Variants in GAS2L2 observed in about 807,000 individuals in gnomAD.
GAS2L2 encodes GAS2-like protein 2.
A neutral mutation model predicts 35.2 loss-of-function variants in GAS2L2; 21 were observed. The ratio of observed to expected loss-of-function variants is 0.60; its 90% CI spans 0.42 to 0.86. The LOEUF is 0.86. Among genes scored for constraint, GAS2L2 ranks in the 40% least tolerant of loss-of-function variants. The pLI is 0.00. For missense variants in GAS2L2, 1,169 were observed against 1,144.4 expected, an observed-to-expected ratio of 1.02 and a Z score of -0.31; for synonymous variants, 490 against 473.2, an observed-to-expected ratio of 1.04 and a Z score of -0.46.
At position 35,750,210 on chromosome 17, in the gene GAS2L2, G is replaced by A; in HGVS notation, c.494C>T (p.Ala165Val). Reference sequence around the variant, plus strand: ...CTCCTCCAGCTGCACGAGTGTGGGCGCCGCAACACCAAAGCGCCACGCCCG... The same window carrying A: ...CTCCTCCAGCTGCACGAGTGTGGGCACCGCAACACCAAAGCGCCACGCCCG... ...GRRAWRFGVAAPTLVQLEEEI... is the reference protein window; with the variant it reads ...GRRAWRFGVAVPTLVQLEEEI... The change falls in exon 2 of 6, where the codon GCG (alanine) becomes GTG (valine). Residue 165 changes from alanine to valine, a missense_variant. Around this residue, in one of 3 missense-constraint regions of GAS2L2, gnomAD observed 1,035 missense variants for 976.5 expected, o/e 1.06. Transcript: ENST00000604641. 6.2e-7 allele frequency: 1 copy of A among 1,613,524 alleles called. No individual in the cohort carries two copies. The highest frequency in any genetic ancestry group is 1.1e-5 in the South Asian group (1 of 91,048).
intron 5 of GAS2L2, 54 bp downstream of exon 5, chr17:35,746,962 T>G: frequency 4.2e-5 from 63 of 1,487,824 alleles, no homozygotes; most frequent in Non-Finnish European, 5.4e-5. Flanking sequence ...TGGTGACCTC[T>G]GAGAATGTGC....
In GAS2L2 at chr17:35,750,272, C is replaced by T. The variant is rs138124177; in HGVS notation, c.432G>A (p.Val144=). The T allele has an allele frequency of 5.6e-6, 9 of 1,613,984 alleles. No homozygotes were observed. The highest frequency in any genetic ancestry group is 7.6e-6 in the Non-Finnish European group (9 of 1,179,970). ...CCAGCAAACACAGCACCACGTTCTT[C>T]ACGTTCTTGCGCAGCACCAAGTCCT... ...ETEDLVLRKN[V]KNVVLCLLEL... The change falls in exon 2 of 6, where the codon GTG becomes GTA. Residue 144 remains valine, a synonymous_variant. Coordinates refer to ENST00000604641, the MANE Select transcript of GAS2L2 (RefSeq NM_139285.4).
chr17:35,751,629 C>G (rs1039256134), intron 1 of GAS2L2, among the ~76,000 whole-genome samples: 1 of 151,050 alleles, frequency 6.6e-6, no homozygotes, highest in Admixed American at 6.6e-5. Flanking sequence ...GATCGAACCA[C>G]TGTACTCCAG....
At chr17:35,750,558 C>T (rs587638929) in intron 1 of GAS2L2, among the ~76,000 whole-genome samples, 1 of 152,250 alleles carries the variant, frequency 6.6e-6, no homozygotes, top group East Asian at 1.9e-4. Context: ...GGAGAGGCTG[C>T]GGGTGAGAAG....
Position 35,746,301 on chromosome 17 carries a change from G to A in GAS2L2, c.1196C>T (p.Ser399Leu), listed in dbSNP as rs139141646. The A allele has an allele frequency of 6.0e-5, 86 of 1,424,988 alleles. No homozygotes were observed. In the Middle Eastern group the frequency reaches 1.1e-3, roughly 19 times the overall value. 88.3% of individuals were successfully genotyped at this position (1,424,988 alleles called of 1,614,324 possible). A position where few individuals can be genotyped will look rare whatever the true frequency, so the allele number is the denominator to read the frequency against. The part of the protein sequence containing the change: ...TQKGRDPQCT[S>L]SGKREERYPP... ...GTATCTCTCCTCCCTCTTTCCTGAC[G>A]AGGTACACTGTGGGTCTCGGCCTTT... is the stretch of plus-strand genomic sequence containing the variant. Residue 399 changes from serine (S) to leucine (L), a missense_variant, in exon 6 of 6, where the codon TCG (serine) becomes TTG (leucine). This residue lies in a region of GAS2L2 where 1,035 missense variants were observed against 976.5 expected (regional missense o/e 1.06). Coordinates refer to ENST00000604641, the MANE Select transcript of GAS2L2 (RefSeq NM_139285.4).
rs782489530 is a variant in GAS2L2 at position 35,750,104 on chromosome 17, G to A, written c.600C>T (p.Pro200=). 5.6e-6 allele frequency: 9 copies of A among 1,601,242 alleles called. No homozygotes were observed. The highest frequency in any genetic ancestry group is 1.3e-5 in the African/African-American group (1 of 74,228). ...TCTGGTCCAGGTTGCGGAAGTGGCAGGGCTGGCGCCTGGGGGGCGCTGGCG... is the reference window on the plus strand; with the variant it reads ...TCTGGTCCAGGTTGCGGAAGTGGCAAGGCTGGCGCCTGGGGGGCGCTGGCG... ...PSPPAPPRRQ[P]CHFRNLDQMV... is the part of the protein sequence containing the mutation. Residue 200 remains proline, a synonymous_variant, in exon 2 of 6, where the codon CCC becomes CCT. Coordinates refer to ENST00000604641, the MANE Select transcript of GAS2L2 (RefSeq NM_139285.4).
At chr17:35,752,148 G>A (rs1308394729) in intron 1 of GAS2L2, among the ~76,000 whole-genome samples, 1 of 152,162 alleles carries the variant, frequency 6.6e-6, no homozygotes, top group Non-Finnish European at 1.5e-5. Flanking sequence ...TCTCTTGCTA[G>A]ACCATGAATT....
In GAS2L2 at chr17:35,747,257, C is replaced by T. The variant is rs782345345; in HGVS notation, c.844G>A (p.Gly282Ser). Reference protein sequence around the residue: ...CRCTSLSHKPGSFLKPPAPPV... With the variant: ...CRCTSLSHKPSSFLKPPAPPV... ...GGGGCCGGGGGCTTCAGGAAGCTGCCTGGCTTGTGTGCTACCAACAGTCCC... is the reference window on the plus strand; with the variant it reads ...GGGGCCGGGGGCTTCAGGAAGCTGCTTGGCTTGTGTGCTACCAACAGTCCC... The change falls in exon 5 of 6, where the codon GGC (glycine) becomes AGC (serine). Residue 282 changes from glycine (G) to serine (S), a missense_variant. Coordinates refer to ENST00000604641, the MANE Select transcript of GAS2L2 (RefSeq NM_139285.4). The T allele has an allele frequency of 1.9e-6, 3 of 1,610,944 alleles. No homozygotes were observed. In the East Asian group the frequency reaches 6.7e-5, roughly 36 times the overall value.
chr17:35,750,153 G>A lies in GAS2L2; in HGVS notation c.551C>T (p.Ala184Val). ...EIEEEVRREL[A>V]LPPPDPSPPA... is the part of the protein sequence containing the mutation. The stretch of plus-strand genomic sequence containing the variant: ...CGGCGAGGGGTCGGGCGGGGGCAGG[G>A]CCAGCTCCCGCCGCACCTCCTCCTC... Residue 184 changes from alanine (A) to valine (V), a missense_variant, in exon 2 of 6, where the codon GCC (alanine) becomes GTC (valine). Around this residue, in one of 3 missense-constraint regions of GAS2L2, gnomAD observed 1,035 missense variants for 976.5 expected, o/e 1.06. Coordinates refer to ENST00000604641, the MANE Select transcript of GAS2L2 (RefSeq NM_139285.4). 1 of 1,610,262 alleles carries A rather than the reference G, an allele frequency of 6.2e-7. No individual in the cohort carries two copies. The highest frequency in any genetic ancestry group is 2.2e-5 in the East Asian group (1 of 44,780).
Position 35,747,103 on chromosome 17 carries a change from A to G in GAS2L2, c.998T>C (p.Leu333Pro). The G allele has an allele frequency of 6.2e-7, 1 of 1,613,206 alleles. No homozygotes were observed. Among genetic ancestry groups the G allele is most frequent in the Non-Finnish European group, 8.5e-7 (1 of 1,179,544 alleles). The change falls in exon 5 of 6, where the codon CTG becomes CCG. Residue 333 changes from leucine to proline, a missense_variant. Leu to Pro is a moderately conservative substitution (Grantham distance 98, BLOSUM62 -3). Coordinates refer to ENST00000604641, the MANE Select transcript of GAS2L2 (RefSeq NM_139285.4). ...GGGGGAGGATGGGGTGGGGGGCCTCAGCCTTCGGTCTGAAGAGGTATATGT... is the reference window on the plus strand; with the variant it reads ...GGGGGAGGATGGGGTGGGGGGCCTCGGCCTTCGGTCTGAAGAGGTATATGT... ...WKTYTSSDRR[L>P]RPPTPSSPRP...
chr17:35,747,415 C>T lies in GAS2L2; in HGVS notation c.833-147G>A, dbSNP rs150629532. ...CAGTGGCAACACCGGAGTTTCTTTA[C>T]GGGAGGGGCTTAGGGGACCCAGCTG... On this transcript the variant is annotated intron_variant, in intron 4 of 5. Coordinates refer to ENST00000604641, the MANE Select transcript of GAS2L2 (RefSeq NM_139285.4). 151 of 937,546 alleles carry T rather than the reference C, an allele frequency of 1.6e-4. No homozygotes were observed. The African/African-American group carries it at 2.1e-3, about 13-fold the overall frequency. 58.1% of individuals were successfully genotyped at this position (937,546 alleles called of 1,614,324 possible). A position where few individuals can be genotyped will look rare whatever the true frequency, so the allele number is the denominator to read the frequency against.
Position 35,750,277 on chromosome 17 carries a change from T to A in GAS2L2, c.427A>T (p.Asn143Tyr). 1 of 1,613,878 alleles carries A rather than the reference T, an allele frequency of 6.2e-7. No individual in the cohort carries two copies. Residue 143 changes from asparagine to tyrosine, a missense_variant, in exon 2 of 6, where the codon AAC (asparagine) becomes TAC (tyrosine). Asn to Tyr is a moderately radical substitution (Grantham distance 143). Around this residue, in one of 3 missense-constraint regions of GAS2L2, gnomAD observed 1,035 missense variants for 976.5 expected, o/e 1.06. Transcript: ENST00000604641. ...FETEDLVLRK[N>Y]VKNVVLCLLE... is the part of the protein sequence containing the mutation. ...AAACACAGCACCACGTTCTTCACGT[T>A]CTTGCGCAGCACCAAGTCCTCCGTC...
chr17:35,745,388 G>A lies in GAS2L2; in HGVS notation c.2109C>T (p.Pro703=). The part of the protein sequence containing the change: ...KGKLGARQSG[P]RTKASLSAKG... ...TGGCACTCAGGCTTGCCTTTGTCCT[G>A]GGCCCACTCTGTCTGGCTCCCAACT... The change falls in exon 6 of 6, where the codon CCC becomes CCT. Residue 703 remains proline, a synonymous_variant. Transcript: ENST00000604641. 1 of 1,583,000 alleles carries A rather than the reference G, an allele frequency of 6.3e-7. No individual in the cohort carries two copies. The highest frequency in any genetic ancestry group is 8.6e-7 in the Non-Finnish European group (1 of 1,163,742).
chr17:35,752,113 G>A (rs1287259758), intron 1 of GAS2L2, among the ~76,000 whole-genome samples: 3 of 152,140 alleles, frequency 2.0e-5, no homozygotes, highest in Non-Finnish European at 4.4e-5. Flanking sequence ...TTACAGGCAT[G>A]AGCCACCACA....
chr17:35,744,779 G>A lies in GAS2L2; in HGVS notation c.*75C>T. 8.6e-7 allele frequency: 1 copy of A among 1,166,012 alleles called. No homozygotes were observed. The allele number at this position is 1,166,012 out of a possible 1,614,324, so 72.2% of individuals were successfully genotyped here. On this transcript the variant is annotated 3_prime_UTR_variant, in exon 6 of 6. Coordinates refer to ENST00000604641, the MANE Select transcript of GAS2L2 (RefSeq NM_139285.4). Reference sequence around the variant, plus strand: ...GTGGAGGTGAGGGAACATCCCTTCTGTTCCCGCAGCTGTGAATCCAGTGTA... The same window carrying A: ...GTGGAGGTGAGGGAACATCCCTTCTATTCCCGCAGCTGTGAATCCAGTGTA...
chr17:35,747,084 G>A lies in GAS2L2; in HGVS notation c.1017C>T (p.Ser339=), dbSNP rs782659394. 12 of 1,611,856 alleles carry A rather than the reference G, an allele frequency of 7.4e-6. No individual in the cohort carries two copies. In the East Asian group the frequency reaches 2.0e-4, roughly 27 times the overall value. ...CCCGTTCCCTGCGGGGTCTGGGGGA[G>A]GATGGGGTGGGGGGCCTCAGCCTTC... The part of the protein sequence containing the change: ...SDRRLRPPTP[S]SPRPRRERGA... Residue 339 remains serine, a synonymous_variant, in exon 5 of 6, where the codon TCC becomes TCT. Transcript: ENST00000604641.
Position 35,745,816 on chromosome 17 carries a change from C to T in GAS2L2, c.1681G>A (p.Asp561Asn), listed in dbSNP as rs1555598844. The change falls in exon 6 of 6, where the codon GAC becomes AAC. Residue 561 changes from aspartate (D) to asparagine (N), a missense_variant. Physicochemically the swap from Asp to Asn is conservative, Grantham distance 23. Coordinates refer to ENST00000604641, the MANE Select transcript of GAS2L2 (RefSeq NM_139285.4). Reference protein sequence around the residue: ...GDCSVEVRQEDQQLDIQVMAE... With the variant: ...GDCSVEVRQENQQLDIQVMAE... ...ATGACCTGGATGTCCAGCTGCTGGT[C>T]CTCCTGCCTCACTTCCACAGAGCAG... 6.2e-7 allele frequency: 1 copy of T among 1,613,740 alleles called. No individual in the cohort carries two copies. Among genetic ancestry groups the T allele is most frequent in the African/African-American group, 1.3e-5 (1 of 74,948 alleles).
intron 1 of GAS2L2, 65 bp downstream of exon 1, chr17:35,752,401 T>G: frequency 1.4e-5 from 21 of 1,480,092 alleles, no homozygotes; most frequent in Non-Finnish European, 1.7e-5. Context: ...CCTGTGCATT[T>G]GAGAAAGGAC....
In GAS2L2 at chr17:35,746,148, A is replaced by G; in HGVS notation, c.1349T>C (p.Ile450Thr). Residue 450 changes from isoleucine to threonine, a missense_variant, in exon 6 of 6, where the codon ATA becomes ACA. Ile to Thr is a moderately conservative substitution (Grantham distance 89). Coordinates refer to ENST00000604641, the MANE Select transcript of GAS2L2 (RefSeq NM_139285.4). ...CAGGGGAGATGGTCCTCTTGCTGATATCCCTTTGGTGGTGGCCTCAATGGC... is the reference window on the plus strand; with the variant it reads ...CAGGGGAGATGGTCCTCTTGCTGATGTCCCTTTGGTGGTGGCCTCAATGGC... ...LRAIEATTKG[I>T]SARGPSPLPR... 6.6e-7 allele frequency: 1 copy of G among 1,506,322 alleles called. No homozygotes were observed. The allele number at this position is 1,506,322 out of a possible 1,614,324, so 93.3% of individuals were successfully genotyped here.
Sources: gnomAD v4.1 joint callset for allele counts (sites outside exome capture counted in the v4.1 genomes callset) on GRCh38, gnomAD v4.1.1 for gene constraint, gnomAD v4.1.1 regional missense constraint, MANE v1.5 for transcripts, NCBI Gene and HGNC (gene_info 2026-07-23, HGNC 2026-07-21) for gene names.